Variants in SLC25A13 observed in about 807,000 individuals in gnomAD.
SLC25A13 encodes electrogenic aspartate/glutamate antiporter SLC25A13, mitochondrial.
A neutral mutation model predicts 85.5 loss-of-function variants in SLC25A13; 70 were observed. That is an observed-to-expected ratio of 0.82 (90% CI 0.68 to 1.00). SLC25A13 has a LOEUF of 1.00. SLC25A13 is among the 50% of genes least tolerant of loss of function. The pLI is 0.00. For synonymous variants in SLC25A13, 259 were observed against 288.7 expected, an observed-to-expected ratio of 0.90 and a Z score of 1.04; for missense variants, 765 against 819.8, an observed-to-expected ratio of 0.93 and a Z score of 0.82.
chr7:96,247,014 A>G (rs183802412), intron 3 of SLC25A13, among the ~76,000 whole-genome samples: 1 of 152,340 alleles, frequency 6.6e-6, no homozygotes, highest in East Asian at 1.9e-4. Context: ...TGACGTATTC[A>G]TTTACTTCTA....
intron 3 of SLC25A13, among the ~76,000 whole-genome samples, chr7:96,265,770 G>C (rs1324245630): frequency 2.6e-5 from 4 of 152,166 alleles, no homozygotes; most frequent in Non-Finnish European, 4.4e-5. Flanking sequence ...AAATATCCTA[G>C]TACTTGGTAA....
At chr7:96,219,743 C>T (rs777926722) in intron 4 of SLC25A13, 1 of 534,510 alleles carries the variant, frequency 1.9e-6, no homozygotes, top group African/African-American at 1.9e-5. Context: ...CCATGGTCTA[C>T]CTCATTGATA....
At chr7:96,130,205 G>C (rs1240559081) in intron 15 of SLC25A13, among the ~76,000 whole-genome samples, 1 of 152,136 alleles carries the variant, frequency 6.6e-6, no homozygotes, top group African/African-American at 2.4e-5. Context: ...CAAGAAAAGA[G>C]TTAAAGATGG....
chr7:96,228,721 C>A (rs778912514), intron 4 of SLC25A13, among the ~76,000 whole-genome samples: 1 of 152,104 alleles, frequency 6.6e-6, no homozygotes, highest in African/African-American at 2.4e-5. Context: ...ACCGTGTGGG[C>A]AGGAACCGTG....
intron 4 of SLC25A13, among the ~76,000 whole-genome samples, chr7:96,229,145 A>T (rs565143420): frequency 3.3e-5 from 5 of 152,286 alleles, no homozygotes; most frequent in Admixed American, 2.6e-4. Context: ...CCAGTGCGGG[A>T]TCTACTAGGT....
chr7:96,125,807 T>C (rs564744531), intron 15 of SLC25A13, among the ~76,000 whole-genome samples: 1 of 151,894 alleles, frequency 6.6e-6, no homozygotes, highest in Non-Finnish European at 1.5e-5. Flanking sequence ...TGGTCTTTGA[T>C]CATATCCATT....
At chr7:96,224,230 T>C (rs1796248386) in intron 4 of SLC25A13, among the ~76,000 whole-genome samples, 2 of 152,204 alleles carry the variant, frequency 1.3e-5, no homozygotes, top group Admixed American at 1.3e-4. Flanking sequence ...TAATGATCAC[T>C]GGCATGGTAC....
chr7:96,307,889 C>T (rs911777216), intron 1 of SLC25A13, among the ~76,000 whole-genome samples: 2 of 151,512 alleles, frequency 1.3e-5, no homozygotes, highest in Admixed American at 6.6e-5. Context: ...CAGTGGCTCA[C>T]GCCTGTAATC....
intron 5 of SLC25A13, among the ~76,000 whole-genome samples, chr7:96,206,673 A>G (rs1008358080): frequency 1.3e-5 from 2 of 152,212 alleles, no homozygotes; most frequent in Non-Finnish European, 2.9e-5. Flanking sequence ...TACAGAGGCA[A>G]AATCATCCCA....
At chr7:96,174,314 AAAAAACGGGAATATGC>A (rs1442898707) in intron 11 of SLC25A13, among the ~76,000 whole-genome samples, 1 of 152,186 alleles carries the variant, frequency 6.6e-6, no homozygotes, top group Non-Finnish European at 1.5e-5. Flanking sequence ...AGCATATGAG[AAAAAACGGGAATATGC>A]AACCATTTGG....
intron 4 of SLC25A13, among the ~76,000 whole-genome samples, chr7:96,211,037 A>C (rs976463465): frequency 6.6e-6 from 1 of 152,200 alleles, no homozygotes; most frequent in Non-Finnish European, 1.5e-5. Context: ...TGGTATGTAA[A>C]GCTAAGGCAC....
At chr7:96,167,252 G>A (rs1447880043) in intron 13 of SLC25A13, among the ~76,000 whole-genome samples, 1 of 152,144 alleles carries the variant, frequency 6.6e-6, no homozygotes, top group Non-Finnish European at 1.5e-5. Flanking sequence ...ATATGTCAGT[G>A]AAACAGAAGA....
intron 1 of SLC25A13, among the ~76,000 whole-genome samples, chr7:96,316,180 A>G (rs1385346928): frequency 6.6e-6 from 1 of 152,194 alleles, no homozygotes; most frequent in Non-Finnish European, 1.5e-5. Context: ...TTAAAGGTAT[A>G]TGACAGTGGT....
chr7:96,186,962 G>A (rs924412080), intron 9 of SLC25A13, among the ~76,000 whole-genome samples: 1 of 151,984 alleles, frequency 6.6e-6, no homozygotes, highest in Non-Finnish European at 1.5e-5. Context: ...AAAACTAGGT[G>A]GCTGTATTAC....
At chr7:96,188,573 A>G (rs1794724244) in intron 9 of SLC25A13, among the ~76,000 whole-genome samples, 1 of 152,176 alleles carries the variant, frequency 6.6e-6, no homozygotes, top group Non-Finnish European at 1.5e-5. Context: ...GAGTGGATTT[A>G]TTTTACAAAC....
intron 15 of SLC25A13, among the ~76,000 whole-genome samples, chr7:96,124,350 T>C (rs1791638333): frequency 6.6e-6 from 1 of 152,204 alleles, no homozygotes; most frequent in African/African-American, 2.4e-5. Context: ...ATCTATATTA[T>C]CTACTTAATA....
chr7:96,219,609 C>T (rs1796026616), intron 4 of SLC25A13: 14 of 506,918 alleles, frequency 2.8e-5, no homozygotes, highest in South Asian at 2.1e-4. Context: ...GAACTACATT[C>T]CCTTGGAGAG....
At chr7:96,216,622 G>A (rs113147422) in intron 4 of SLC25A13, among the ~76,000 whole-genome samples, 4,972 of 152,194 alleles carry the variant, frequency 0.033, 203 homozygotes, top group African/African-American at 0.095. Flanking sequence ...GCTGGAGGCC[G>A]TTATCATTAG....
At chr7:96,225,786 T>C (rs1029485947) in intron 4 of SLC25A13, among the ~76,000 whole-genome samples, 1 of 152,200 alleles carries the variant, frequency 6.6e-6, no homozygotes, top group Non-Finnish European at 1.5e-5. Flanking sequence ...CCATGCTTTC[T>C]ACCCACTTAG....
Sources: gnomAD v4.1 joint callset for allele counts (sites outside exome capture counted in the v4.1 genomes callset) on GRCh38, gnomAD v4.1.1 for gene constraint, MANE v1.5 for transcripts, NCBI Gene and HGNC (gene_info 2026-07-23, HGNC 2026-07-21) for gene names.